Variants in FHIT observed in about 807,000 individuals in gnomAD.
FHIT encodes fragile histidine triad diadenosine triphosphatase, also known as bis(5'-adenosyl)-triphosphatase.
A neutral mutation model predicts 17.9 loss-of-function variants in FHIT; 19 were observed. That is an observed-to-expected ratio of 1.06 (90% CI 0.74 to 1.56). FHIT has a LOEUF of 1.56. Among genes scored for constraint, FHIT ranks in the 40% most tolerant of loss-of-function variants. The pLI is 0.00. For synonymous variants in FHIT, 81 were observed against 69.7 expected (o/e 1.16, Z -0.81); for missense variants, 248 against 189.2 (o/e 1.31, Z -1.82).
chr3:60,593,470 C>T (rs1203275965), intron 4 of FHIT, among the ~76,000 whole-genome samples: 1 of 152,090 alleles, frequency 6.6e-6, no homozygotes, highest in Non-Finnish European at 1.5e-5. Context: ...TGTTGAAAAA[C>T]ATTCACAGCC....
At chr3:59,814,998 G>A (rs1260131153) in intron 8 of FHIT, among the ~76,000 whole-genome samples, 3 of 152,214 alleles carry the variant, frequency 2.0e-5, no homozygotes, top group Non-Finnish European at 4.4e-5. Flanking sequence ...AGAAATGGGT[G>A]ATACTGATTG....
At chr3:60,413,159 C>A (rs1210915068) in intron 5 of FHIT, among the ~76,000 whole-genome samples, 1 of 152,168 alleles carries the variant, frequency 6.6e-6, no homozygotes, top group Non-Finnish European at 1.5e-5. Context: ...AATGAACATT[C>A]TTTTAGCTAC....
In FHIT at chr3:60,551,218, A is replaced by G. The variant is rs564396497; in HGVS notation, c.-17-14239T>C. On this transcript the variant is annotated intron_variant, in intron 4 of 9. Transcript: ENST00000492590. ...AAGATGAGCAGGGATCAGATCATACAAGGTCTTGTGTGGCGTTTCACTTAA... is the reference window on the plus strand; with the variant it reads ...AAGATGAGCAGGGATCAGATCATACGAGGTCTTGTGTGGCGTTTCACTTAA... Among the ~76,000 whole-genome samples, 4 of 151,884 alleles carry G rather than the reference A, an allele frequency of 2.6e-5. 1 individual carries two copies. The South Asian group carries it at 8.3e-4, about 32-fold the overall frequency.
intron 5 of FHIT, among the ~76,000 whole-genome samples, chr3:60,376,219 T>C (rs1282408145): frequency 6.6e-6 from 1 of 152,218 alleles, no homozygotes; most frequent in African/African-American, 2.4e-5. Context: ...AAGCCCATGC[T>C]TGACACCACA....
intron 4 of FHIT, among the ~76,000 whole-genome samples, chr3:60,776,234 T>C (rs1700214040): frequency 6.6e-6 from 1 of 152,198 alleles, no homozygotes; most frequent in Non-Finnish European, 1.5e-5. Context: ...TCTGCATGTT[T>C]TCCTAGCCCT....
chr3:60,173,913 A>ATTTTTTTTTTT (rs1359545917), intron 5 of FHIT, among the ~76,000 whole-genome samples: 2 of 68,518 alleles, frequency 2.9e-5, no homozygotes, highest in Non-Finnish European at 5.5e-5. Context: ...ATATATATAT[A>ATTTTTTTTTTT]TATGTTTTTT....
At chr3:59,775,659 G>A (rs996051556) in intron 8 of FHIT, among the ~76,000 whole-genome samples, 2 of 152,200 alleles carry the variant, frequency 1.3e-5, no homozygotes, top group South Asian at 4.1e-4. Context: ...CTGTATGTGA[G>A]GATGAGGGTG....
At chr3:60,150,715 C>T (rs1406004776) in intron 5 of FHIT, among the ~76,000 whole-genome samples, 2 of 152,058 alleles carry the variant, frequency 1.3e-5, no homozygotes, top group African/African-American at 4.8e-5. Context: ...CTCAGGAGTT[C>T]GAGACCAGCC....
At chr3:60,781,469 G>C (rs1433529787) in intron 4 of FHIT, among the ~76,000 whole-genome samples, 1 of 133,728 alleles carries the variant, frequency 7.5e-6, no homozygotes, top group Non-Finnish European at 1.6e-5. Context: ...AGATTAGTAA[G>C]GAGGTTAATA....
In FHIT at chr3:60,839,750, C is replaced by A. The variant is rs1050248021; in HGVS notation, c.-110-17739G>T. Among the ~76,000 whole-genome samples the A allele has an allele frequency of 1.1e-4, 17 of 152,072 alleles. No individual in the cohort carries two copies. In the South Asian group the frequency reaches 1.2e-3, roughly 11 times the overall value. On this transcript the variant is annotated intron_variant, in intron 3 of 9. Transcript: ENST00000492590. ...CTGCCCAGCCACATAGCTCACCCCA[C>A]CCCCTTAGAAGCATCTAGAGTTGGC...
intron 4 of FHIT, among the ~76,000 whole-genome samples, chr3:60,733,001 T>G (rs781159726): frequency 7.7e-4 from 117 of 152,282 alleles, no homozygotes; most frequent in Non-Finnish European, 1.4e-3. Flanking sequence ...GCATATGAAA[T>G]GCACTATTTC....
intron 5 of FHIT, among the ~76,000 whole-genome samples, chr3:60,031,572 CTTAT>C (rs1227470069): frequency 1.3e-5 from 2 of 152,118 alleles, no homozygotes; most frequent in African/African-American, 4.8e-5. Context: ...CAAAATGGGG[CTTAT>C]TTATTCTCAT....
chr3:60,375,227 C>T (rs917771154), intron 5 of FHIT, among the ~76,000 whole-genome samples: 27 of 151,790 alleles, frequency 1.8e-4, no homozygotes, highest in Non-Finnish European at 2.8e-4. Flanking sequence ...AATGTAACAT[C>T]CTTAAGTAGA....
chr3:61,160,567 GAGATAAGTATATTTTA>G (rs1462806863), intron 2 of FHIT, among the ~76,000 whole-genome samples: 1 of 152,182 alleles, frequency 6.6e-6, no homozygotes, highest in African/African-American at 2.4e-5. Context: ...TACAGTGGAA[GAGATAAGTATATTTTA>G]AAACAACAGA....
intron 5 of FHIT, among the ~76,000 whole-genome samples, chr3:60,396,074 C>A (rs976612682): frequency 6.6e-6 from 1 of 152,088 alleles, no homozygotes; most frequent in Non-Finnish European, 1.5e-5. Context: ...GGGCTGATAC[C>A]GCACTTGCTA....
At chr3:60,398,796 A>G (rs1409237411) in intron 5 of FHIT, among the ~76,000 whole-genome samples, 1 of 152,150 alleles carries the variant, frequency 6.6e-6, no homozygotes, top group Non-Finnish European at 1.5e-5. Flanking sequence ...TTAAGAAAAT[A>G]ATATATATAC....
chr3:60,151,039 T>C (rs990188537), intron 5 of FHIT, among the ~76,000 whole-genome samples: 1 of 152,202 alleles, frequency 6.6e-6, no homozygotes, highest in Non-Finnish European at 1.5e-5. Flanking sequence ...ATTGTTTGTG[T>C]GAGTTATAAA....
chr3:60,010,438 T>C (rs1206903641), intron 7 of FHIT, among the ~76,000 whole-genome samples: 1 of 152,236 alleles, frequency 6.6e-6, no homozygotes. Context: ...AGTCCCAGAA[T>C]AGCTGTGTTA....
chr3:60,653,589 A>G (rs1553688880), intron 4 of FHIT, among the ~76,000 whole-genome samples: 2 of 152,262 alleles, frequency 1.3e-5, no homozygotes, highest in East Asian at 3.9e-4. Flanking sequence ...TGTTCAAAGT[A>G]TAGGAATCTA....
Sources: allele counts gnomAD v4.1 joint callset (sites outside exome capture counted in the v4.1 genomes callset), GRCh38; gene constraint gnomAD v4.1.1; transcripts MANE v1.5; gene names NCBI Gene and HGNC (gene_info 2026-07-23, HGNC 2026-07-21).